CNTNAP2: variants seen among roughly 807,000 people sequenced by gnomAD.
CNTNAP2 encodes contactin associated protein 2, also known as contactin-associated protein-like 2.
A neutral mutation model predicts 155.2 loss-of-function variants in CNTNAP2; 98 were observed. The observed-to-expected ratio is 0.63, with a 90% CI of 0.54 to 0.75. The LOEUF (loss-of-function observed/expected upper bound fraction) is 0.75. CNTNAP2 is among the 30% of genes least tolerant of loss of function. The pLI, the probability that CNTNAP2 is intolerant of heterozygous loss-of-function variation, is 0.00. For synonymous variants in CNTNAP2, 651 were observed against 631.2 expected (o/e 1.03, Z -0.47); for missense variants, 1,727 against 1,688.1 (o/e 1.02, Z -0.40).
At chr7:147,836,891 A>G (rs1297955322) in intron 13 of CNTNAP2, among the ~76,000 whole-genome samples, 2 of 152,208 alleles carry the variant, frequency 1.3e-5, no homozygotes, top group African/African-American at 4.8e-5. Flanking sequence ...TTGAAAATTA[A>G]CTTATTTTAG....
At chr7:148,090,886 A>G (rs1405426385) in intron 15 of CNTNAP2, among the ~76,000 whole-genome samples, 2 of 152,160 alleles carry the variant, frequency 1.3e-5, no homozygotes, top group Non-Finnish European at 2.9e-5. Context: ...TATGGTATAT[A>G]TACATGATGG....
At chr7:146,437,445 C>T (rs920587551) in intron 1 of CNTNAP2, among the ~76,000 whole-genome samples, 2 of 151,528 alleles carry the variant, frequency 1.3e-5, no homozygotes, top group South Asian at 4.2e-4. Flanking sequence ...TTCATATTAT[C>T]TAGTGAAATG....
At chr7:146,764,416 A>G (rs948879349) in intron 1 of CNTNAP2, among the ~76,000 whole-genome samples, 1 of 151,804 alleles carries the variant, frequency 6.6e-6, no homozygotes, top group East Asian at 1.9e-4. Context: ...TAAAACTTCA[A>G]TTTGTTTTCC....
At chr7:147,534,364 T>C (rs1432742654) in intron 11 of CNTNAP2, among the ~76,000 whole-genome samples, 1 of 152,080 alleles carries the variant, frequency 6.6e-6, no homozygotes, top group Non-Finnish European at 1.5e-5. Context: ...TTTAAATCAG[T>C]TTGTATGGTC....
chr7:146,153,030 A>C (rs1329951781), intron 1 of CNTNAP2, among the ~76,000 whole-genome samples: 2 of 152,164 alleles, frequency 1.3e-5, no homozygotes, highest in African/African-American at 4.8e-5. Context: ...ACTTGTCCTC[A>C]TAGGGTTTCG....
intron 1 of CNTNAP2, among the ~76,000 whole-genome samples, chr7:146,586,973 G>A (rs1489752185): frequency 6.6e-6 from 1 of 151,584 alleles, no homozygotes; most frequent in Non-Finnish European, 1.5e-5. Context: ...AGAATGACAC[G>A]ATCATTCTTA....
chr7:146,503,649 A>T (rs1797338895), intron 1 of CNTNAP2, among the ~76,000 whole-genome samples: 1 of 152,196 alleles, frequency 6.6e-6, no homozygotes, highest in Non-Finnish European at 1.5e-5. Context: ...TTTCTTCTGC[A>T]CATGGTTATC....
chr7:147,690,818 T>C (rs1274453494), intron 13 of CNTNAP2, among the ~76,000 whole-genome samples: 21 of 152,160 alleles, frequency 1.4e-4, no homozygotes. Flanking sequence ...TGACCTTAAA[T>C]TGTGTATTTT....
At chr7:147,572,767 C>A (rs983354782) in intron 12 of CNTNAP2, among the ~76,000 whole-genome samples, 14 of 151,854 alleles carry the variant, frequency 9.2e-5, no homozygotes, top group Non-Finnish European at 1.9e-4. Flanking sequence ...CAACTCATTT[C>A]TTTGCAATCA....
chr7:147,356,604 T>C (rs1356076012), intron 9 of CNTNAP2, among the ~76,000 whole-genome samples: 1 of 152,176 alleles, frequency 6.6e-6, no homozygotes, highest in Non-Finnish European at 1.5e-5. Flanking sequence ...TTTAAGAAAG[T>C]CTTCTCTCAC....
At chr7:146,344,309 T>C (rs1794784286) in intron 1 of CNTNAP2, among the ~76,000 whole-genome samples, 1 of 152,192 alleles carries the variant, frequency 6.6e-6, no homozygotes. Context: ...ATGACAAGTT[T>C]TTGTTATCCT....
chr7:146,898,495 A>C (rs1292800228), intron 3 of CNTNAP2, among the ~76,000 whole-genome samples: 2 of 151,476 alleles, frequency 1.3e-5, no homozygotes, highest in African/African-American at 4.9e-5. Flanking sequence ...ATTTAAAAAA[A>C]CAATAATAAT....
At chr7:146,824,516 C>T (rs1803361514) in intron 2 of CNTNAP2, among the ~76,000 whole-genome samples, 1 of 152,094 alleles carries the variant, frequency 6.6e-6, no homozygotes, top group Non-Finnish European at 1.5e-5. Context: ...AGTGTGAAAA[C>T]ATTCCTATTT....
At chr7:147,486,740 CTTATAA>C (rs910328095) in intron 11 of CNTNAP2, among the ~76,000 whole-genome samples, 18 of 152,058 alleles carry the variant, frequency 1.2e-4, no homozygotes, top group African/African-American at 3.4e-4. Context: ...AATGCTAACT[CTTATAA>C]TTATAATATT....
chr7:147,964,113 G>A (rs1801163820), intron 14 of CNTNAP2, among the ~76,000 whole-genome samples: 4 of 152,006 alleles, frequency 2.6e-5, no homozygotes, highest in Admixed American at 2.6e-4. Context: ...ATAAGTAGAG[G>A]AAGAAACACA....
chr7:147,942,844 T>C (rs1205043407), intron 14 of CNTNAP2, among the ~76,000 whole-genome samples: 2 of 152,106 alleles, frequency 1.3e-5, no homozygotes, highest in Non-Finnish European at 2.9e-5. Flanking sequence ...GAGACCATCC[T>C]GGCTAACACG....
chr7:148,211,325 G>C (rs1795545766), intron 18 of CNTNAP2, among the ~76,000 whole-genome samples: 2 of 152,232 alleles, frequency 1.3e-5, no homozygotes, highest in South Asian at 2.1e-4. Context: ...TTGGGCGACA[G>C]AAAGGAGTAA....
At chr7:146,827,291 T>G (rs1390241463) in intron 2 of CNTNAP2, among the ~76,000 whole-genome samples, 2 of 152,074 alleles carry the variant, frequency 1.3e-5, no homozygotes, top group Non-Finnish European at 1.5e-5. Flanking sequence ...TACTTAGTAC[T>G]TGTTCAGGGT....
chr7:147,309,085 G>C (rs1216422814), intron 9 of CNTNAP2, among the ~76,000 whole-genome samples: 1 of 152,020 alleles, frequency 6.6e-6, no homozygotes, highest in Non-Finnish European at 1.5e-5. Context: ...TTTTCCTTTT[G>C]GCCTTTGTTC....
Sources: gnomAD v4.1 joint callset for allele counts (sites outside exome capture counted in the v4.1 genomes callset) on GRCh38, gnomAD v4.1.1 for gene constraint, MANE v1.5 for transcripts, NCBI Gene and HGNC (gene_info 2026-07-23, HGNC 2026-07-21) for gene names.